DAB2IP: variants seen among roughly 807,000 people sequenced by gnomAD.
DAB2IP encodes DAB2 interacting protein, also known as disabled homolog 2-interacting protein.
In DAB2IP, 28 loss-of-function variants were observed where a neutral mutation model predicts 107.2. The ratio of observed to expected loss-of-function variants is 0.26; its 90% CI spans 0.19 to 0.36. The LOEUF is 0.36. Among genes scored for constraint, DAB2IP ranks in the 10% least tolerant of loss-of-function variants. The probability of loss-of-function intolerance (pLI) is 1.00; values close to 1 mark genes in which losing one functional copy is unlikely to be tolerated. For synonymous variants in DAB2IP, 755 were observed against 706.4 expected, an observed-to-expected ratio of 1.07 and a Z score of -1.09; for missense variants, 1,400 against 1,644.7, an observed-to-expected ratio of 0.85 and a Z score of 2.57.
rs1381595309 is a variant in DAB2IP at position 121,699,128 on chromosome 9, C to T, written c.229-197C>T. 6.9e-6 allele frequency among the ~76,000 whole-genome samples: 1 copy of T among 145,574 alleles called. No homozygotes were observed. The highest frequency in any genetic ancestry group is 1.5e-5 in the Non-Finnish European group (1 of 65,594). On this transcript the variant is annotated intron_variant, in intron 2 of 15. Transcript: ENST00000408936. This position sits in a 1 kb window ranked among gnomAD's most constrained non-coding sequence, Gnocchi z 6.2. ...GTGGCGGGCGGGGTGGGCTGGGCCG[C>T]GCTGCGCGGGCCGGGCCGTCGGCGC...
chr9:121,772,521 G>A lies in DAB2IP; in HGVS notation c.2079-86G>A, dbSNP rs899907600. 3.7e-5 allele frequency: 54 copies of A among 1,454,688 alleles called. No individual in the cohort carries two copies. The Admixed American group carries it at 4.3e-4, about 12-fold the overall frequency. 90.1% of individuals were successfully genotyped at this position (1,454,688 alleles called of 1,614,324 possible). The stretch of plus-strand genomic sequence containing the variant: ...GGCTGCCAGGCCCCGGCAGGTTGGC[G>A]GGTGCTGTCGGTTTGGACCCGCCTT... On this transcript the variant is annotated intron_variant, in intron 11 of 15. Coordinates refer to ENST00000408936, the Ensembl canonical transcript of DAB2IP. This position sits in a 1 kb window ranked among gnomAD's most constrained non-coding sequence, Gnocchi z 4.7.
chr9:121,706,576 C>T (rs1830067868), intron 3 of DAB2IP, among the ~76,000 whole-genome samples: 1 of 152,188 alleles, frequency 6.6e-6, no homozygotes, highest in Admixed American at 6.5e-5. Context: ...AGCCGTGGTT[C>T]CTCTCTGCCC....
chr9:121,612,933 G>C (rs1296000584), intron 1 of DAB2IP, among the ~76,000 whole-genome samples: 1 of 152,220 alleles, frequency 6.6e-6, no homozygotes, highest in East Asian at 1.9e-4. Flanking sequence ...GAGCCCCCAA[G>C]CTTGGCAGTT....
At chr9:121,770,450 G>A (rs1171885586) in intron 10 of DAB2IP, 96 bp from the exon 11 acceptor site, 3 of 1,391,390 alleles carry the variant, frequency 2.2e-6, no homozygotes, top group African/African-American at 2.8e-5. Flanking sequence ...CTTCTGACAG[G>A]CTCCGCAGTG....
At chr9:121,570,173 G>A (rs757599865) in intron 1 of DAB2IP, among the ~76,000 whole-genome samples, 3 of 141,376 alleles carry the variant, frequency 2.1e-5, no homozygotes, top group Admixed American at 7.3e-5. Context: ...GTGCAGTGGT[G>A]CGATCTCAGC....
Position 121,768,646 on chromosome 9 carries a change from G to T in DAB2IP, c.1899+13G>T. 1 of 1,612,628 alleles carries T rather than the reference G, an allele frequency of 6.2e-7. No individual in the cohort carries two copies. Among genetic ancestry groups the T allele is most frequent in the South Asian group, 1.1e-5 (1 of 91,034 alleles). On this transcript the variant is annotated intron_variant, in intron 10 of 15. Transcript: ENST00000408936. ...CCAGCTGGAGCAGGTGCCTGTTGCC[G>T]TGGGGCGGAGGTGGGGCCAAAAGCT...
In DAB2IP at chr9:121,638,800, A is replaced by G. The variant is rs182249037; in HGVS notation, c.41-39878A>G. Among the ~76,000 whole-genome samples the G allele has an allele frequency of 9.8e-5, 15 of 152,306 alleles. No individual in the cohort carries two copies. In the East Asian group the frequency reaches 1.2e-3, roughly 12 times the overall value. ...GATGCCCTGGTTCTGGGAGATGTCA[A>G]TGAAGGTGATGAGGTGGACAGCCTC... On this transcript the variant is annotated intron_variant, in intron 1 of 16. Coordinates refer to the DAB2IP transcript ENST00000259371.
At chr9:121,694,513 A>G (rs1264741058) in intron 2 of DAB2IP, among the ~76,000 whole-genome samples, 1 of 152,100 alleles carries the variant, frequency 6.6e-6, no homozygotes, top group Non-Finnish European at 1.5e-5. Context: ...CGTGTCTTGA[A>G]TTCTGAAAGG....
chr9:121,611,760 T>C (rs978484193), intron 1 of DAB2IP, among the ~76,000 whole-genome samples: 2 of 151,996 alleles, frequency 1.3e-5, no homozygotes, highest in Non-Finnish European at 2.9e-5. Context: ...AATTTTTGTA[T>C]TTTTAGTAGA....
In DAB2IP at chr9:121,772,858, C is replaced by T. The variant is rs373611896; in HGVS notation, c.2330C>T (p.Ala777Val). The T allele has an allele frequency of 2.5e-6, 4 of 1,593,960 alleles. No homozygotes were observed. The African/African-American group carries it at 5.4e-5, about 21-fold the overall frequency. Residue 777 changes from alanine (A) to valine (V), a missense_variant, in exon 12 of 16, where the codon GCT (alanine) becomes GTT (valine). Ala to Val is a moderately conservative substitution (Grantham distance 64). This residue lies in a region of DAB2IP where 600 missense variants were observed against 659.1 expected (regional missense o/e 0.91). Transcript: ENST00000408936. The surrounding 1 kb of genome is among the most constrained non-coding windows in gnomAD (Gnocchi z 4.7). ...GTCCTCCCCACAGATGGGCAGGCCG[C>T]TGCAGCTCAGCTGGTGGCCGGGTGG...
At chr9:121,692,818 G>T (rs1198996845) in intron 2 of DAB2IP, among the ~76,000 whole-genome samples, 1 of 152,236 alleles carries the variant, frequency 6.6e-6, no homozygotes, top group African/African-American at 2.4e-5. Flanking sequence ...TACCCTTGAG[G>T]GGAGGAGGCC....
chr9:121,764,230 C>T (rs1477725868), intron 8 of DAB2IP, among the ~76,000 whole-genome samples: 3 of 152,336 alleles, frequency 2.0e-5, no homozygotes, highest in East Asian at 3.9e-4. Flanking sequence ...GGCTCCTCAC[C>T]TGTCCGTGGG....
chr9:121,642,299 C>T (rs533523367), intron 1 of DAB2IP, among the ~76,000 whole-genome samples: 6 of 151,114 alleles, frequency 4.0e-5, no homozygotes, highest in Admixed American at 1.3e-4. Context: ...GGAGTGCAGT[C>T]GTGCAATCTC....
chr9:121,713,252 C>T lies in DAB2IP; in HGVS notation c.362+13794C>T, dbSNP rs115759516. 3.3e-5 allele frequency among the ~76,000 whole-genome samples: 5 copies of T among 152,188 alleles called. No individual in the cohort carries two copies. The South Asian group carries it at 1.0e-3, about 32-fold the overall frequency. The stretch of plus-strand genomic sequence containing the variant: ...TGGGCCTTCAGCTCTTTCCTCTTGG[C>T]CACCAAGAAACCATTTGCTCCCTGG... On this transcript the variant is annotated intron_variant, in intron 3 of 15. Transcript: ENST00000408936.
At chr9:121,700,258 C>CGGGAGACGCTGGCCAGGGA (rs538089587) in intron 3 of DAB2IP, among the ~76,000 whole-genome samples, 207 of 152,266 alleles carry the variant, frequency 1.4e-3, no homozygotes, top group East Asian at 2.9e-3. Context: ...TTCAACCTGC[C>CGGGAGACGCTGGCCAGGGA]GGGAGACGCT....
Position 121,633,460 on chromosome 9 carries a change from G to A in DAB2IP, c.41-45218G>A, listed in dbSNP as rs1831967953. Among the ~76,000 whole-genome samples, 1 of 152,104 alleles carries A rather than the reference G, an allele frequency of 6.6e-6. No homozygotes were observed. Among genetic ancestry groups the A allele is most frequent in the Non-Finnish European group, 1.5e-5 (1 of 68,032 alleles). ...TCAGCGTCTGTGCTTTGTTATTCCTGTGTCTCCAAAGCAAGGTGGGTGTAC... is the reference window on the plus strand; with the variant it reads ...TCAGCGTCTGTGCTTTGTTATTCCTATGTCTCCAAAGCAAGGTGGGTGTAC... On this transcript the variant is annotated intron_variant, in intron 1 of 16. Transcript: ENST00000259371. The surrounding 1 kb of genome is among the most constrained non-coding windows in gnomAD (Gnocchi z 5.1).
rs751742391 is a variant in DAB2IP at position 121,773,048 on chromosome 9, G to A, written c.2520G>A (p.Pro840=). ...TGTACCAGATGGCGGCTGGCCTGCCGCTGTCACCCCGTGGCCTTGGCGACT... is the reference window on the plus strand; with the variant it reads ...TGTACCAGATGGCGGCTGGCCTGCCACTGTCACCCCGTGGCCTTGGCGACT... Residue 840 remains proline (P), a synonymous_variant, in exon 12 of 16, where the codon CCG becomes CCA. Transcript: ENST00000408936. 18 of 1,612,426 alleles carry A rather than the reference G, an allele frequency of 1.1e-5. No individual in the cohort carries two copies. The South Asian group carries it at 1.4e-4, about 13-fold the overall frequency.
Position 121,759,100 on chromosome 9 carries a change from G to A in DAB2IP, c.615+104G>A, listed in dbSNP as rs1041297010. ...TGTGGTGTGGGCTGGGATTGGGGGT[G>A]GTCAGCCTGCATGGAGGCAGGGCCC... On this transcript the variant is annotated intron_variant, in intron 5 of 15. Coordinates refer to ENST00000408936, the Ensembl canonical transcript of DAB2IP. The A allele has an allele frequency of 4.2e-6, 5 of 1,199,810 alleles. No individual in the cohort carries two copies. In the African/African-American group the frequency reaches 6.0e-5, roughly 14 times the overall value. The allele number at this position is 1,199,810 out of a possible 1,614,324, so 74.3% of individuals were successfully genotyped here. A position where few individuals can be genotyped will look rare whatever the true frequency, so the allele number is the denominator to read the frequency against.
intron 14 of DAB2IP, among the ~76,000 whole-genome samples, chr9:121,780,907 G>A (rs979838704): frequency 6.6e-6 from 1 of 152,204 alleles, no homozygotes; most frequent in African/African-American, 2.4e-5. Context: ...TCCAGGGAAC[G>A]TCACTGCTTC....
Sources: allele counts gnomAD v4.1 joint callset (sites outside exome capture counted in the v4.1 genomes callset), GRCh38; gene constraint gnomAD v4.1.1; regional missense constraint gnomAD v4.1.1; non-coding constraint Gnocchi (gnomAD v3.1); transcripts MANE v1.5; gene names NCBI Gene and HGNC (gene_info 2026-07-23, HGNC 2026-07-21).